The following EIF4G1 variants were observed in gnomAD, a reference collection of about 807,000 sequenced individuals.
EIF4G1 encodes EIF4-gamma.
EIF4G1 carries 4 observed loss-of-function variants against 187.8 expected under a neutral mutation model. That is an observed-to-expected ratio of 0.02 (90% confidence interval 0.01 to 0.05). EIF4G1 has a LOEUF of 0.05. Among genes scored for constraint, EIF4G1 ranks in the 10% least tolerant of loss-of-function variants. The probability of loss-of-function intolerance (pLI) is 1.00; values close to 1 mark genes in which losing one functional copy is unlikely to be tolerated. For missense variants in EIF4G1, 1,647 were observed against 2,081.1 expected (o/e 0.79, Z 4.06); for synonymous variants, 844 against 781.4 (o/e 1.08, Z -1.34).
At chr3:184,317,687 CCTT>C (rs762629982) in intron 5 of EIF4G1, 27 bp from the exon 6 acceptor site, 11 of 1,594,794 alleles carry the variant, frequency 6.9e-6, no homozygotes, top group East Asian at 2.2e-5. Context: ...TCCCTCAACT[CCTT>C]CTCTCCCTCT....
rs201699664 is a variant in EIF4G1, at chr3:184,331,424, C to T, written c.4261-48C>T. On this transcript the variant is annotated intron_variant, in intron 29 of 32. Transcript: ENST00000346169. ...GAGGCTGGCCAGTCTTCTTTCTTGT[C>T]TCCTGTTGGCAACCTTACCTCTTAA... 1.2e-4 allele frequency: 194 copies of T among 1,614,190 alleles called. 3 individuals carry two copies. The African/African-American group carries it at 1.6e-3, about 14-fold the overall frequency.
chr3:184,321,695 G>A lies in EIF4G1; in HGVS notation c.1111G>A (p.Glu371Lys). Reference protein sequence around the residue: ...PNGMVPSEDLEPEVESSPELA... With the variant: ...PNGMVPSEDLKPEVESSPELA... The stretch of plus-strand genomic sequence containing the variant: ...TGGCATGGTCCCATCTGAAGATCTG[G>A]AACCAGAGGTGGAGTCAAGCCCAGA... The change falls in exon 10 of 33, where the codon GAA becomes AAA. Residue 371 changes from glutamate (E) to lysine (K), a missense_variant. By Grantham distance (56) the Glu-to-Lys change is moderately conservative. Around this residue, in one of 11 missense-constraint regions of EIF4G1, gnomAD observed 522 missense variants for 485.2 expected, o/e 1.08. Transcript: ENST00000346169. 1 of 1,593,520 alleles carries A rather than the reference G, an allele frequency of 6.3e-7. No homozygotes were observed. Among genetic ancestry groups the A allele is most frequent in the Middle Eastern group, 1.7e-4 (1 of 5,968 alleles).
At position 184,321,978 on chromosome 3, in the gene EIF4G1, A is replaced by AAGGAGAAGC. The variant is rs111659103; in HGVS notation, c.1413_1421dup (p.Gly472_Ala474dup). On this transcript the variant is annotated inframe_insertion, in exon 10 of 33. Transcript: ENST00000346169. ...ATGGAAGAAGAAGAAGAAGAGGAAG[A>AAGGAGAAGC]AGGAGAAGCAGGAGAAGCAGGAGAA... 6.2e-6 allele frequency: 10 copies of AAGGAGAAGC among 1,614,014 alleles called. No homozygotes were observed. Among genetic ancestry groups the AAGGAGAAGC allele is most frequent in the Middle Eastern group, 1.6e-4 (1 of 6,084 alleles).
chr3:184,331,071 TTGAC>T (rs200904694), intron 28 of EIF4G1, among the ~76,000 whole-genome samples, 191 bp from the exon 29 acceptor site: 2,346 of 152,330 alleles, frequency 0.015, 28 homozygotes, highest in Non-Finnish European at 0.023. Flanking sequence ...GGGTGGTTAT[TTGAC>T]TGACATCTGT....
In EIF4G1 at chr3:184,316,241, G is replaced by A. The variant is rs754488109; in HGVS notation, c.147+23G>A. On this transcript the variant is annotated intron_variant, in intron 4 of 32. Coordinates refer to ENST00000346169, the MANE Select transcript of EIF4G1 (RefSeq NM_198241.3). ...CAGGTGAGGGGCTGTGGGGAGGGGA[G>A]TAGGGGACCTGGGTGGGAGCAGTGG... The A allele has an allele frequency of 2.5e-6, 4 of 1,613,572 alleles. No individual in the cohort carries two copies. The African/African-American group carries it at 4.0e-5, about 16-fold the overall frequency.
At chr3:184,331,229 G>A (rs1280074360) in intron 28 of EIF4G1, 37 bp from the exon 29 acceptor site, 1 of 1,607,398 alleles carries the variant, frequency 6.2e-7, no homozygotes, top group Admixed American at 1.7e-5. Flanking sequence ...TGGAGAGAGA[G>A]AGCTTTGGTA....
At position 184,323,309 on chromosome 3, in the gene EIF4G1, C is replaced by G. The variant is rs925805728; in HGVS notation, c.2088+68C>G. ...AGTGGATGATTCCGTGTCTCAGTGC[C>G]CGCGGGGAGGGGTTTGCCCTGGAGG... is the stretch of plus-strand genomic sequence containing the variant. On this transcript the variant is annotated intron_variant, in intron 14 of 32. Coordinates refer to ENST00000346169, the MANE Select transcript of EIF4G1 (RefSeq NM_198241.3). This position sits in a 1 kb window ranked among gnomAD's most constrained non-coding sequence, Gnocchi z 6.9. The G allele has an allele frequency of 2.7e-5, 44 of 1,611,572 alleles. No homozygotes were observed. The highest frequency in any genetic ancestry group is 3.5e-5 in the Non-Finnish European group (41 of 1,178,304).
rs1560217507 is a variant in EIF4G1 at position 184,323,291 on chromosome 3, G to A, written c.2088+50G>A. 7 of 1,612,986 alleles carry A rather than the reference G, an allele frequency of 4.3e-6. No individual in the cohort carries two copies. Among genetic ancestry groups the A allele is most frequent in the Non-Finnish European group, 5.9e-6 (7 of 1,179,102 alleles). On this transcript the variant is annotated intron_variant, in intron 14 of 32. Coordinates refer to ENST00000346169, the MANE Select transcript of EIF4G1 (RefSeq NM_198241.3). This position sits in a 1 kb window ranked among gnomAD's most constrained non-coding sequence, Gnocchi z 6.9. Reference sequence around the variant, plus strand: ...AGGTGGGCAAGGAGTGGGAGTGGATGATTCCGTGTCTCAGTGCCCGCGGGG... The same window carrying A: ...AGGTGGGCAAGGAGTGGGAGTGGATAATTCCGTGTCTCAGTGCCCGCGGGG...
At chr3:184,316,452 G>A (rs1722797176) in intron 4 of EIF4G1, among the ~76,000 whole-genome samples, 1 of 152,142 alleles carries the variant, frequency 6.6e-6, no homozygotes, top group South Asian at 2.1e-4. Context: ...AGAATTGGGG[G>A]CAGTGCTTTG....
chr3:184,327,791 AG>A lies in EIF4G1; in HGVS notation c.3781-38del, dbSNP rs774314101. 2.4e-5 allele frequency: 38 copies of A among 1,614,118 alleles called. No individual in the cohort carries two copies. In the East Asian group the frequency reaches 7.8e-4, roughly 33 times the overall value. On this transcript the variant is annotated intron_variant, in intron 25 of 32. Transcript: ENST00000346169. Reference sequence around the variant, plus strand: ...TAGGGGTCCGGGGTCTGGGTCAGACAGTGACTGGTCTCTTCCTGCTGTGCCC... The same window carrying A: ...TAGGGGTCCGGGGTCTGGGTCAGACATGACTGGTCTCTTCCTGCTGTGCCC...
chr3:184,315,898 C>A, intron 3 of EIF4G1, 42 bp downstream of exon 3: 1 of 1,528,732 alleles, frequency 6.5e-7, no homozygotes, highest in Non-Finnish European at 8.9e-7. Flanking sequence ...TGGGGGAGAC[C>A]AGGCAGTCTC....
Position 184,327,660 on chromosome 3 carries a change from T to C in EIF4G1, c.3736T>C (p.Ser1246Pro). ...ALSEEELEKK[S>P]KAIIEEYLHL... Reference sequence around the variant, plus strand: ...CTCTGAGGAGGAGTTAGAGAAGAAATCCAAGGCTATCATTGAGGAATATCT... The same window carrying C: ...CTCTGAGGAGGAGTTAGAGAAGAAACCCAAGGCTATCATTGAGGAATATCT... The change falls in exon 25 of 33, where the codon TCC becomes CCC. Residue 1246 changes from serine to proline, a missense_variant. Around this residue, in one of 11 missense-constraint regions of EIF4G1, gnomAD observed 543 missense variants for 638.0 expected, o/e 0.85. Coordinates refer to ENST00000346169, the MANE Select transcript of EIF4G1 (RefSeq NM_198241.3). The C allele has an allele frequency of 6.2e-7, 1 of 1,614,114 alleles. No individual in the cohort carries two copies.
In EIF4G1 at chr3:184,327,000, A is replaced by C. The variant is rs776052994; in HGVS notation, c.3428+17A>C. On this transcript the variant is annotated intron_variant, in intron 23 of 32. Transcript: ENST00000346169. ...GGTGCAGAGGTGAGGTTTCCTGGAC[A>C]TCTTTGTTATTCACACTGGGGGTAC... The C allele has an allele frequency of 8.1e-6, 13 of 1,613,896 alleles. No homozygotes were observed. The East Asian group carries it at 2.5e-4, about 30-fold the overall frequency.
intron 7 of EIF4G1, among the ~76,000 whole-genome samples, chr3:184,320,107 T>C (rs1003536192): frequency 1.3e-5 from 2 of 151,236 alleles, no homozygotes; most frequent in Non-Finnish European, 3.0e-5. Flanking sequence ...TTGTTTTCTG[T>C]GGCCCCAGCC....
intron 28 of EIF4G1, 37 bp downstream of exon 28, chr3:184,329,027 G>A (rs375924238): frequency 5.6e-6 from 9 of 1,612,418 alleles, no homozygotes; most frequent in Admixed American, 3.3e-5. Flanking sequence ...TGCCTCCCAC[G>A]GTGTGGTTTT....
At position 184,320,689 on chromosome 3, in the gene EIF4G1, G is replaced by C; in HGVS notation, c.597G>C (p.Gly199=). 1.9e-6 allele frequency: 3 copies of C among 1,614,066 alleles called. No homozygotes were observed. Among genetic ancestry groups the C allele is most frequent in the Non-Finnish European group, 2.5e-6 (3 of 1,180,004 alleles). Residue 199 remains glycine (G), a synonymous_variant, in exon 8 of 33, where the codon GGG becomes GGC. Coordinates refer to ENST00000346169, the MANE Select transcript of EIF4G1 (RefSeq NM_198241.3). Reference sequence around the variant, plus strand: ...ATATCACAGAGGAGATCATGTCTGGGGCCCGCACTGCCTCCACACCCACCC... The same window carrying C: ...ATATCACAGAGGAGATCATGTCTGGCGCCCGCACTGCCTCCACACCCACCC... ...GKDITEEIMS[G]ARTASTPTPP... is the part of the protein sequence containing the mutation.
In EIF4G1 at chr3:184,331,999, C is replaced by T. The variant is rs557210676; in HGVS notation, c.4531C>T (p.Leu1511=). The change falls in exon 32 of 33, where the codon CTG becomes TTG. Residue 1511 remains leucine (L), a synonymous_variant. Coordinates refer to ENST00000346169, the MANE Select transcript of EIF4G1 (RefSeq NM_198241.3). ...AGTGCTGAAAGCGCGAGCGAAGCTG[C>T]TGCAGAAATACCTGTGTGACGAGCA... The part of the protein sequence containing the change: ...VAVLKARAKL[L]QKYLCDEQKE... 3 of 1,614,206 alleles carry T rather than the reference C, an allele frequency of 1.9e-6. No homozygotes were observed. Among genetic ancestry groups the T allele is most frequent in the South Asian group, 2.2e-5 (2 of 91,086 alleles).
chr3:184,316,256 GGGA>G, intron 4 of EIF4G1, 38 bp downstream of exon 4: 1 of 1,610,836 alleles, frequency 6.2e-7, no homozygotes, highest in African/African-American at 1.3e-5. Flanking sequence ...GGACCTGGGT[GGGA>G]GCAGTGGAAA....
At position 184,335,158 on chromosome 3, in the gene EIF4G1, GGT is replaced by G; in HGVS notation, c.*255_*256del. The G allele has an allele frequency of 1.9e-6, 1 of 515,878 alleles. No individual in the cohort carries two copies. Among genetic ancestry groups the G allele is most frequent in the Non-Finnish European group, 3.5e-6 (1 of 286,344 alleles). The allele number at this position is 515,878 out of a possible 1,614,324, so 32.0% of individuals were successfully genotyped here. ...TATTATATATAAAGTCTTGAAATTTGGTGTGTCTTGGGGTGGGGAGGGGCACC... is the reference window on the plus strand; with the variant it reads ...TATTATATATAAAGTCTTGAAATTTGGTGTCTTGGGGTGGGGAGGGGCACC... On this transcript the variant is annotated 3_prime_UTR_variant, in exon 33 of 33. Coordinates refer to ENST00000346169, the MANE Select transcript of EIF4G1 (RefSeq NM_198241.3).
Sources: gnomAD v4.1 joint callset for allele counts (sites outside exome capture counted in the v4.1 genomes callset) on GRCh38, gnomAD v4.1.1 for gene constraint, gnomAD v4.1.1 regional missense constraint, Gnocchi (gnomAD v3.1) non-coding constraint, MANE v1.5 for transcripts, NCBI Gene and HGNC (gene_info 2026-07-23, HGNC 2026-07-21) for gene names.